The following TEKT2 variants were observed in gnomAD, a reference collection of about 807,000 sequenced individuals.
TEKT2 encodes the protein tektin 2, also known as tektin-2.
A neutral mutation model predicts 49.8 loss-of-function variants in TEKT2; 45 were observed. The ratio of observed to expected loss-of-function variants is 0.90; its 90% confidence interval spans 0.71 to 1.16. The LOEUF is 1.16. Ranked by LOEUF, TEKT2 falls within the 50% of genes most tolerant of loss-of-function variation. The pLI is 0.00. For missense variants in TEKT2, 523 were observed against 551.4 expected, an observed-to-expected ratio of 0.95 and a Z score of 0.52; for synonymous variants, 202 against 224.6, an observed-to-expected ratio of 0.90 and a Z score of 0.90.
At position 36,087,757 on chromosome 1, in the gene TEKT2, C is replaced by T; in HGVS notation, c.1029C>T (p.His343=). 1 of 1,613,846 alleles carries T rather than the reference C, an allele frequency of 6.2e-7. No individual in the cohort carries two copies. Among genetic ancestry groups the T allele is most frequent in the Non-Finnish European group, 8.5e-7 (1 of 1,180,006 alleles). The change falls in exon 9 of 10, where the codon CAC becomes CAT. Residue 343 remains histidine (H), a synonymous_variant. Coordinates refer to ENST00000207457, the MANE Select transcript of TEKT2 (RefSeq NM_014466.3). The surrounding 1 kb of genome is among the most constrained non-coding windows in gnomAD (Gnocchi z 4.9). Reference sequence around the variant, plus strand: ...AGTACGGCCTCACCGACGAGGTTCACCAGCTAGAGGCAACCATCGCTGCCC... The same window carrying T: ...AGTACGGCCTCACCGACGAGGTTCATCAGCTAGAGGCAACCATCGCTGCCC... ...QAQYGLTDEV[H]QLEATIAALK...
Position 36,087,207 on chromosome 1 carries a change from A to G in TEKT2, c.751A>G (p.Asn251Asp). 2.5e-6 allele frequency: 4 copies of G among 1,614,118 alleles called. No individual in the cohort carries two copies. The South Asian group carries it at 4.4e-5, about 18-fold the overall frequency. The change falls in exon 7 of 10, where the codon AAC becomes GAC. Residue 251 changes from asparagine (N) to aspartate (D), a missense_variant. Coordinates refer to ENST00000207457, the MANE Select transcript of TEKT2 (RefSeq NM_014466.3). This position sits in a 1 kb window ranked among gnomAD's most constrained non-coding sequence, Gnocchi z 4.9. ...EATALTIAET[N>D]NELEAQRVAT... ...TGCCCTGTGTTTTCTCCTTCAGACCAACAACGAGCTTGAAGCCCAGAGAGT... is the reference window on the plus strand; with the variant it reads ...TGCCCTGTGTTTTCTCCTTCAGACCGACAACGAGCTTGAAGCCCAGAGAGT...
rs749468376 is a variant in TEKT2, at chr1:36,088,144, C to T, written c.1251C>T (p.Ser417=). ...ACACCTTCACACGTACCACAAATAG[C>T]ACCCTGAGTCCACTCAAAAGCTGCC... ...EVDTFTRTTN[S]TLSPLKSCQL... is the part of the protein sequence containing the mutation. The change falls in exon 10 of 10, where the codon AGC becomes AGT. Residue 417 remains serine (S), a synonymous_variant. Transcript: ENST00000207457. 2 of 1,612,970 alleles carry T rather than the reference C, an allele frequency of 1.2e-6. No homozygotes were observed. Among genetic ancestry groups the T allele is most frequent in the East Asian group, 4.5e-5 (2 of 44,866 alleles).
At position 36,087,445 on chromosome 1, in the gene TEKT2, G is replaced by GAGGA; in HGVS notation, c.863_866dup (p.Ile290GlyfsTer4). 1 of 1,613,824 alleles carries GAGGA rather than the reference G, an allele frequency of 6.2e-7. No homozygotes were observed. The highest frequency in any genetic ancestry group is 1.6e-4 in the Middle Eastern group (1 of 6,062). ...GTCACTCTGTCCCCTGCAGACCTTG[G>GAGGA]AGGAGATCGCTGAGCTGCAGGAGGA... is the stretch of plus-strand genomic sequence containing the variant. On this transcript the variant is annotated frameshift_variant, in exon 8 of 10. Transcript: ENST00000207457. LOFTEE classifies it high-confidence loss of function. This position sits in a 1 kb window ranked among gnomAD's most constrained non-coding sequence, Gnocchi z 4.9.
Position 36,085,929 on chromosome 1 carries a change from A to T in TEKT2, c.376A>T (p.Ile126Phe), listed in dbSNP as rs751390286. Residue 126 changes from isoleucine (I) to phenylalanine (F), a missense_variant, in exon 4 of 10, where the codon ATT becomes TTT. By Grantham distance (21) the Ile-to-Phe change is conservative (BLOSUM62 0). Transcript: ENST00000207457. ...GACCCTGCGGGAAAGCCGGCGAGAC[A>T]TTGATGTGGTGAAGGACCCTGTGGA... ...CLTLRESRRDIDVVKDPVEDE... is the reference protein window; with the variant it reads ...CLTLRESRRDFDVVKDPVEDE... 1 of 1,613,936 alleles carries T rather than the reference A, an allele frequency of 6.2e-7. No individual in the cohort carries two copies. Among genetic ancestry groups the T allele is most frequent in the Non-Finnish European group, 8.5e-7 (1 of 1,179,986 alleles).
Position 36,087,146 on chromosome 1 carries a change from A to G in TEKT2, c.748-58A>G. On this transcript the variant is annotated intron_variant, in intron 6 of 9. Transcript: ENST00000207457. The surrounding 1 kb of genome is among the most constrained non-coding windows in gnomAD (Gnocchi z 4.9). ...TGGCCCCCTGCCCCTCGCTTGAGTA[A>G]TATCCTCAGGCAGCCCTGAGTGTAG... 7 of 1,605,882 alleles carry G rather than the reference A, an allele frequency of 4.4e-6. No individual in the cohort carries two copies. Among genetic ancestry groups the G allele is most frequent in the Middle Eastern group, 1.7e-4 (1 of 6,042 alleles).
chr1:36,084,537 A>G lies in TEKT2; in HGVS notation c.-52-333A>G, dbSNP rs1407658217. ...CATGGTTGGCTGGGGGCAGGTGTGG[A>G]AAATGCATTAAGGGCAATTTTTTTC... On this transcript the variant is annotated intron_variant, in intron 1 of 9. Transcript: ENST00000207457. The surrounding 1 kb of genome is among the most constrained non-coding windows in gnomAD (Gnocchi z 4.1). 1.2e-5 allele frequency: 4 copies of G among 345,644 alleles called. No homozygotes were observed. The highest frequency in any genetic ancestry group is 2.2e-5 in the Non-Finnish European group (4 of 181,860). 21.4% of individuals were successfully genotyped at this position (345,644 alleles called of 1,614,324 possible). A position where few individuals can be genotyped will look rare whatever the true frequency, so the allele number is the denominator to read the frequency against.
Position 36,085,182 on chromosome 1 carries a change from A to G in TEKT2, c.176A>G (p.Asp59Gly), listed in dbSNP as rs1337943552. 1.9e-6 allele frequency: 3 copies of G among 1,614,104 alleles called. No individual in the cohort carries two copies. Among genetic ancestry groups the G allele is most frequent in the Non-Finnish European group, 2.5e-6 (3 of 1,180,054 alleles). The change falls in exon 3 of 10, where the codon GAC (aspartate) becomes GGC (glycine). Residue 59 changes from aspartate to glycine, a missense_variant. Coordinates refer to ENST00000207457, the MANE Select transcript of TEKT2 (RefSeq NM_014466.3). ...TNNQTIWDEH[D>G]NRTRLVERID... ...TCTCAGACCATTTGGGATGAACATG[A>G]CAACAGGACTCGACTGGTGGAGAGG...
Position 36,087,726 on chromosome 1 carries a change from A to G in TEKT2, c.1000-2A>G, listed in dbSNP as rs1167030123. The G allele has an allele frequency of 1.2e-6, 2 of 1,613,580 alleles. No individual in the cohort carries two copies. Among genetic ancestry groups the G allele is most frequent in the South Asian group, 1.1e-5 (1 of 91,012 alleles). On this transcript the variant is annotated splice_acceptor_variant, in intron 8 of 9. Transcript: ENST00000207457. LOFTEE classifies it high-confidence loss of function. The surrounding 1 kb of genome is among the most constrained non-coding windows in gnomAD (Gnocchi z 4.9). Reference sequence around the variant, plus strand: ...TGGAACTCCCAACCCCTCTGCCTCCAGGCACAGTACGGCCTCACCGACGAG... The same window carrying G: ...TGGAACTCCCAACCCCTCTGCCTCCGGGCACAGTACGGCCTCACCGACGAG...
At position 36,087,972 on chromosome 1, in the gene TEKT2, G is replaced by T; in HGVS notation, c.1080-1G>T. 1 of 1,608,810 alleles carries T rather than the reference G, an allele frequency of 6.2e-7. No individual in the cohort carries two copies. The highest frequency in any genetic ancestry group is 8.5e-7 in the Non-Finnish European group (1 of 1,178,240). On this transcript the variant is annotated splice_acceptor_variant, in intron 9 of 9. Coordinates refer to ENST00000207457, the MANE Select transcript of TEKT2 (RefSeq NM_014466.3). LOFTEE classifies it high-confidence loss of function. This position sits in a 1 kb window ranked among gnomAD's most constrained non-coding sequence, Gnocchi z 4.9. ...GGGGGGTTGTCAATGTCCTTCCCTA[G>T]GGACGCACTGGACGCCCTGTGCAAG... is the stretch of plus-strand genomic sequence containing the variant.
chr1:36,086,433 A>G (rs1643374199), intron 4 of TEKT2, among the ~76,000 whole-genome samples: 1 of 151,902 alleles, frequency 6.6e-6, no homozygotes, highest in South Asian at 2.1e-4. Flanking sequence ...GCGGGTGTGT[A>G]GGACGCGTGG....
rs1201182215 is a variant in TEKT2 at position 36,084,290 on chromosome 1, G to T, written c.-53+141G>T. On this transcript the variant is annotated intron_variant, in intron 1 of 9. Transcript: ENST00000207457. This position sits in a 1 kb window ranked among gnomAD's most constrained non-coding sequence, Gnocchi z 4.1. ...GACTGACCCCAGCTCTTCCCACGGG[G>T]CTCTCCCTGTCCGGCCTTCCCCTCC... 6.2e-6 allele frequency: 1 copy of T among 160,810 alleles called. No individual in the cohort carries two copies. The highest frequency in any genetic ancestry group is 1.8e-4 in the East Asian group (1 of 5,500). The allele number at this position is 160,810 out of a possible 1,614,324, so 10.0% of individuals were successfully genotyped here.
chr1:36,088,207 A>C lies in TEKT2; in HGVS notation c.*21A>C, dbSNP rs761419472. 73 of 871,636 alleles carry C rather than the reference A, an allele frequency of 8.4e-5. No homozygotes were observed. The highest frequency in any genetic ancestry group is 1.2e-4 in the Non-Finnish European group (65 of 555,210). 54.0% of individuals were successfully genotyped at this position (871,636 alleles called of 1,614,324 possible). On this transcript the variant is annotated 3_prime_UTR_variant, in exon 10 of 10. Transcript: ENST00000207457. ...CCTAGCCTTGGAGGACTGCAGGAGG[A>C]GGGCAGGGTTGGGTGGGCAATGGAA... is the stretch of plus-strand genomic sequence containing the variant.
At position 36,084,587 on chromosome 1, in the gene TEKT2, T is replaced by G; in HGVS notation, c.-52-283T>G. 4.6e-6 allele frequency: 2 copies of G among 435,636 alleles called. No individual in the cohort carries two copies. Among genetic ancestry groups the G allele is most frequent in the East Asian group, 4.5e-5 (1 of 22,220 alleles). The allele number at this position is 435,636 out of a possible 1,614,324, so 27.0% of individuals were successfully genotyped here. Reference sequence around the variant, plus strand: ...CTGCCATCCGCCTACCCCCCAGGCATTTGGCACTTCACACACACTTCGAGG... The same window carrying G: ...CTGCCATCCGCCTACCCCCCAGGCAGTTGGCACTTCACACACACTTCGAGG... On this transcript the variant is annotated intron_variant, in intron 1 of 9. Transcript: ENST00000207457. This position sits in a 1 kb window ranked among gnomAD's most constrained non-coding sequence, Gnocchi z 4.1.
chr1:36,084,892 G>A lies in TEKT2; in HGVS notation c.-30G>A, dbSNP rs1271476603. Reference sequence around the variant, plus strand: ...CAGGTGGTGTCTGTGAACAGGCCTAGGGGTTTCTGACCCTTCTGGTTTCTG... The same window carrying A: ...CAGGTGGTGTCTGTGAACAGGCCTAAGGGTTTCTGACCCTTCTGGTTTCTG... On this transcript the variant is annotated 5_prime_UTR_variant, in exon 2 of 10. Coordinates refer to ENST00000207457, the MANE Select transcript of TEKT2 (RefSeq NM_014466.3). The surrounding 1 kb of genome is among the most constrained non-coding windows in gnomAD (Gnocchi z 4.1). 1.2e-6 allele frequency: 2 copies of A among 1,612,696 alleles called. No homozygotes were observed. The highest frequency in any genetic ancestry group is 2.7e-5 in the African/African-American group (2 of 74,900).
chr1:36,085,459 G>A (rs1311884382), intron 3 of TEKT2, among the ~76,000 whole-genome samples, 171 bp downstream of exon 3: 1 of 149,658 alleles, frequency 6.7e-6, no homozygotes, highest in Non-Finnish European at 1.5e-5. Context: ...GGCCCCACCA[G>A]CACCCCCGCC....
At position 36,086,727 on chromosome 1, in the gene TEKT2, A is replaced by C; in HGVS notation, c.512A>C (p.Gln171Pro). The C allele has an allele frequency of 1.2e-6, 2 of 1,614,084 alleles. No individual in the cohort carries two copies. The highest frequency in any genetic ancestry group is 1.7e-6 in the Non-Finnish European group (2 of 1,180,008). Residue 171 changes from glutamine to proline, a missense_variant, in exon 5 of 10, where the codon CAG becomes CCG. Transcript: ENST00000207457. Reference protein sequence around the residue: ...QLCLLQEVQQQLNSDHRGKME... With the variant: ...QLCLLQEVQQPLNSDHRGKME... ...AGCCTCTTGCAGGAAGTCCAACAGC[A>C]GCTCAACTCCGACCATCGGGGCAAA...
In TEKT2 at chr1:36,085,062, C is replaced by T. The variant is rs138552030; in HGVS notation, c.141C>T (p.Asn47=). Residue 47 remains asparagine (N), a synonymous_variant, in exon 2 of 10, where the codon AAC becomes AAT. Transcript: ENST00000207457. ...QIRQEARVLR[N]ETNNQTIWDE... ...GCCAGGAGGCCCGGGTGCTCCGCAA[C>T]GAGACCAACAACCAGGTTGGGGATG... is the stretch of plus-strand genomic sequence containing the variant. 7.4e-6 allele frequency: 12 copies of T among 1,614,014 alleles called. No homozygotes were observed. Among genetic ancestry groups the T allele is most frequent in the East Asian group, 2.2e-5 (1 of 44,906 alleles).
In TEKT2 at chr1:36,087,366, C is replaced by T. The variant is rs1643397959; in HGVS notation, c.855+55C>T. The T allele has an allele frequency of 6.2e-7, 1 of 1,613,522 alleles. No individual in the cohort carries two copies. The highest frequency in any genetic ancestry group is 1.3e-5 in the African/African-American group (1 of 75,036). Reference sequence around the variant, plus strand: ...GCTGTGGGATGAGAAGCCGCATGCCCCCGCCAGGAGGCACTGGACCAGGCA... The same window carrying T: ...GCTGTGGGATGAGAAGCCGCATGCCTCCGCCAGGAGGCACTGGACCAGGCA... On this transcript the variant is annotated intron_variant, in intron 7 of 9. Transcript: ENST00000207457. The surrounding 1 kb of genome is among the most constrained non-coding windows in gnomAD (Gnocchi z 4.9).
intron 5 of TEKT2, 23 bp downstream of exon 5, chr1:36,086,870 T>G (rs1643385364): frequency 6.2e-7 from 1 of 1,613,996 alleles, no homozygotes; most frequent in African/African-American, 1.3e-5. Flanking sequence ...TTTCAGCCAG[T>G]CTCTTCTCCT....
Sources: gnomAD v4.1 joint callset for allele counts (sites outside exome capture counted in the v4.1 genomes callset) on GRCh38, gnomAD v4.1.1 for gene constraint, Gnocchi (gnomAD v3.1) non-coding constraint, MANE v1.5 for transcripts, NCBI Gene and HGNC (gene_info 2026-07-23, HGNC 2026-07-21) for gene names.